ASPA: variants seen among roughly 807,000 people sequenced by gnomAD.
ASPA encodes aspartoacylase.
ASPA carries 25 observed loss-of-function variants against 29.6 expected under a neutral mutation model. The ratio of observed to expected loss-of-function variants is 0.85; its 90% CI spans 0.62 to 1.18. The LOEUF (loss-of-function observed/expected upper bound fraction) is 1.18. ASPA is among the 50% of genes most tolerant of loss of function. The pLI is 0.00. For synonymous variants in ASPA, 131 were observed against 130.3 expected (o/e 1.01, Z -0.04); for missense variants, 333 against 385.7 (o/e 0.86, Z 1.14).
At position 3,503,202 on chromosome 17, in the gene ASPA, GGAATGAATGAAT is replaced by G. The variant is rs536159310; in HGVS notation, c.*4131_*4142del. Reference sequence around the variant, plus strand: ...TTTACCAAAAATACTAACATTATCTGGAATGAATGAATGAATGAATGAATGAATAAATATTAT... The same window carrying G: ...TTTACCAAAAATACTAACATTATCTGGAATGAATGAATGAATAAATATTAT... On this transcript the variant is annotated 3_prime_UTR_variant, in exon 6 of 6. Transcript: ENST00000263080. 2 of 151,686 alleles carry G rather than the reference GGAATGAATGAAT, an allele frequency of 1.3e-5. No homozygotes were observed. Among genetic ancestry groups the G allele is most frequent in the African/African-American group, 2.4e-5 (1 of 41,304 alleles). The allele number at this position is 151,686 out of a possible 1,614,324, so 9.4% of individuals were successfully genotyped here.
Position 3,498,904 on chromosome 17 carries a change from A to G in ASPA, c.758A>G (p.Lys253Arg), listed in dbSNP as rs1442016687. The G allele has an allele frequency of 6.3e-7, 1 of 1,591,000 alleles. No homozygotes were observed. Among genetic ancestry groups the G allele is most frequent in the African/African-American group, 1.4e-5 (1 of 73,912 alleles). The change falls in exon 6 of 6, where the codon AAA (lysine) becomes AGA (arginine). Residue 253 changes from lysine (K) to arginine (R), a missense_variant. By Grantham distance (26) the Lys-to-Arg change is conservative. Coordinates refer to ENST00000263080, the MANE Select transcript of ASPA (RefSeq NM_000049.4). ...GTTTCCTGAGAGGATCAAGACTGGA[A>G]ACCACTGCATCCTGGGGATCCCATG... is the stretch of plus-strand genomic sequence containing the variant. ...IHPNLQDQDWKPLHPGDPMFL... is the reference protein window; with the variant it reads ...IHPNLQDQDWRPLHPGDPMFL...
intron 5 of ASPA, among the ~76,000 whole-genome samples, chr17:3,494,725 C>T (rs940040542): frequency 3.9e-5 from 6 of 152,092 alleles, no homozygotes; most frequent in Non-Finnish European, 8.8e-5. Context: ...TAACTTTAGT[C>T]TAGAAATGAA....
chr17:3,486,466 G>A (rs569741032), intron 3 of ASPA, among the ~76,000 whole-genome samples: 244 of 152,284 alleles, frequency 1.6e-3, no homozygotes, highest in African/African-American at 5.6e-3. Context: ...TTCACGAGCT[G>A]TTTGTCATCT....
chr17:3,493,872 A>G (rs1004833787), intron 4 of ASPA, among the ~76,000 whole-genome samples: 1 of 152,080 alleles, frequency 6.6e-6, no homozygotes, highest in African/African-American at 2.4e-5. Flanking sequence ...GTGTTTGTGG[A>G]CAGAGTGCTG....
chr17:3,494,204 A>G, intron 4 of ASPA, 146 bp from the exon 5 acceptor site: 1 of 651,726 alleles, frequency 1.5e-6, no homozygotes, highest in Non-Finnish European at 2.9e-6. Context: ...GGGGTTCACC[A>G]TGTTGGCCAG....
chr17:3,475,268 G>T (rs1324590752), upstream of ASPA: 2 of 152,150 alleles, frequency 1.3e-5, no homozygotes, highest in Non-Finnish European at 2.9e-5. Context: ...GAGTAACACA[G>T]TCCAGTGGAG....
intron 3 of ASPA, among the ~76,000 whole-genome samples, chr17:3,486,489 A>T (rs535168472): frequency 6.6e-6 from 1 of 152,246 alleles, no homozygotes; most frequent in Admixed American, 6.5e-5. Flanking sequence ...TCACTTGTTT[A>T]TCCTGCCAGT....
intron 5 of ASPA, among the ~76,000 whole-genome samples, chr17:3,495,542 C>T (rs2073894167): frequency 6.6e-6 from 1 of 151,638 alleles, no homozygotes; most frequent in African/African-American, 2.4e-5. Flanking sequence ...CAGCCTTAGG[C>T]AGTGTTTGTT....
chr17:3,492,964 T>C (rs1381174211), intron 4 of ASPA, among the ~76,000 whole-genome samples: 1 of 152,368 alleles, frequency 6.6e-6, no homozygotes, highest in East Asian at 1.9e-4. Flanking sequence ...TAGTATGTTA[T>C]GCAGCAGAAG....
intron 5 of ASPA, among the ~76,000 whole-genome samples, chr17:3,494,705 C>T (rs981573201): frequency 6.6e-6 from 1 of 152,010 alleles, no homozygotes; most frequent in Non-Finnish European, 1.5e-5. Context: ...AGTGTAGGTA[C>T]ACAAAAGTCT....
intron 5 of ASPA, among the ~76,000 whole-genome samples, chr17:3,494,852 T>G (rs542808254): frequency 2.6e-5 from 4 of 152,198 alleles, no homozygotes; most frequent in African/African-American, 9.6e-5. Flanking sequence ...ATGTCTATTT[T>G]AATATAAGGA....
intron 1 of ASPA, among the ~76,000 whole-genome samples, chr17:3,478,089 G>T (rs1217496974): frequency 6.6e-6 from 1 of 152,114 alleles, no homozygotes; most frequent in African/African-American, 2.4e-5. Context: ...GGAGACTGAG[G>T]CAGGAGAATG....
chr17:3,498,347 C>CT lies in ASPA; in HGVS notation c.745-538dup, dbSNP rs574497287. Among the ~76,000 whole-genome samples the CT allele has an allele frequency of 3.4e-3, 513 of 152,078 alleles. 10 individuals carry two copies. The highest frequency in any genetic ancestry group is 0.014 in the Middle Eastern group (4 of 294). On this transcript the variant is annotated intron_variant, in intron 5 of 5. Transcript: ENST00000263080. ...GGTAAACCTGGTATTGAAGCAAACT[C>CT]TTTTTTATTTTTTTTTAGAGACAGG...
Position 3,501,136 on chromosome 17 carries a change from T to G in ASPA, c.*2048T>G, listed in dbSNP as rs2073985171. 6.6e-6 allele frequency: 1 copy of G among 151,582 alleles called. No individual in the cohort carries two copies. Among genetic ancestry groups the G allele is most frequent in the African/African-American group, 2.4e-5 (1 of 41,132 alleles). The allele number at this position is 151,582 out of a possible 1,614,324, so 9.4% of individuals were successfully genotyped here. ...AATCTAACTATTTAAGAAATACATTTCAGGCTGGGGGAGGGGAGAAAAAAG... is the reference window on the plus strand; with the variant it reads ...AATCTAACTATTTAAGAAATACATTGCAGGCTGGGGGAGGGGAGAAAAAAG... On this transcript the variant is annotated 3_prime_UTR_variant, in exon 6 of 6. Transcript: ENST00000263080.
chr17:3,496,848 C>T (rs1282068433), intron 5 of ASPA, among the ~76,000 whole-genome samples: 4 of 152,294 alleles, frequency 2.6e-5, no homozygotes, highest in South Asian at 2.1e-4. Flanking sequence ...GGGCGGATCA[C>T]GCGGTCAGGA....
chr17:3,474,245 A>G (rs1490741167), upstream of ASPA: 2 of 152,224 alleles, frequency 1.3e-5, no homozygotes, highest in Non-Finnish European at 2.9e-5. Flanking sequence ...ATGTAAGAGA[A>G]ACTTTATTTA....
rs758502972 is a variant in ASPA, at chr17:3,476,325, A to C, written c.166A>C (p.Arg56=). 6 of 1,614,212 alleles carry C rather than the reference A, an allele frequency of 3.7e-6. No individual in the cohort carries two copies. Residue 56 remains arginine (R), a synonymous_variant, in exon 1 of 6, where the codon AGA becomes CGA. Transcript: ENST00000263080. ...GGTAAAACCATTTATTACTAACCCC[A>C]GAGCAGTGAAGAAGTGTACCAGATA... ...LEVKPFITNP[R]AVKKCTRYID... is the part of the protein sequence containing the mutation.
intron 3 of ASPA, among the ~76,000 whole-genome samples, chr17:3,486,865 G>A (rs1455761671): frequency 6.6e-6 from 1 of 151,964 alleles, no homozygotes; most frequent in South Asian, 2.1e-4. Context: ...TTAATTTTTC[G>A]ATACAAGATC....
At position 3,486,066 on chromosome 17, in the gene ASPA, G is replaced by A. The variant is rs12602137; in HGVS notation, c.526+2474G>A. Reference sequence around the variant, plus strand: ...TCCTGCCTCAGCCTCCTGAGTAGCTGGGATTACAGGTGCCCACCACCATAC... The same window carrying A: ...TCCTGCCTCAGCCTCCTGAGTAGCTAGGATTACAGGTGCCCACCACCATAC... On this transcript the variant is annotated intron_variant, in intron 3 of 5. Coordinates refer to ENST00000263080, the MANE Select transcript of ASPA (RefSeq NM_000049.4). Among the ~76,000 whole-genome samples the A allele has an allele frequency of 3.9e-5, 6 of 151,990 alleles. No individual in the cohort carries two copies. The East Asian group carries it at 1.2e-3, about 30-fold the overall frequency.
Sources: allele counts gnomAD v4.1 joint callset (sites outside exome capture counted in the v4.1 genomes callset), GRCh38; gene constraint gnomAD v4.1.1; transcripts MANE v1.5; gene names NCBI Gene and HGNC (gene_info 2026-07-23, HGNC 2026-07-21).